The following PKIB variants were observed in gnomAD, a reference collection of about 807,000 sequenced individuals.
PKIB encodes cAMP-dependent protein kinase inhibitor beta.
Under a neutral mutation model 4.5 loss-of-function variants are expected in PKIB, and 2 were observed. The ratio of observed to expected loss-of-function variants is 0.44; its 90% CI spans 0.18 to 1.39. The LOEUF is 1.39. Ranked by LOEUF, PKIB falls within the 40% of genes most tolerant of loss-of-function variation. The pLI, the probability that PKIB is intolerant of heterozygous loss-of-function variation, is 0.27. For synonymous variants in PKIB, 38 were observed against 36.0 expected (o/e 1.06, Z -0.20); for missense variants, 94 against 92.6 (o/e 1.02, Z -0.06).
intron 3 of PKIB, chr6:122,701,324 C>T: frequency 1.3e-6 from 1 of 778,664 alleles, no homozygotes. Flanking sequence ...CTGCTCCAAG[C>T]AGCCAGTGAC....
Position 122,643,224 on chromosome 6 carries a change from C to A in PKIB, c.-76+9857C>A, listed in dbSNP as rs1582768876. The stretch of plus-strand genomic sequence containing the variant: ...GGAGTAGAAAGCTTTCTATTTCTTA[C>A]CCCATGCAATTGTTTGATTTTGAGA... On this transcript the variant is annotated intron_variant, in intron 2 of 4. Coordinates refer to ENST00000368452, the MANE Select transcript of PKIB (RefSeq NM_181795.3). Among the ~76,000 whole-genome samples, 3 of 152,244 alleles carry A rather than the reference C, an allele frequency of 2.0e-5. No homozygotes were observed. The East Asian group carries it at 5.8e-4, about 29-fold the overall frequency.
At chr6:122,710,228 C>A (rs1256658507) in intron 3 of PKIB, among the ~76,000 whole-genome samples, 1 of 152,128 alleles carries the variant, frequency 6.6e-6, no homozygotes, top group Non-Finnish European at 1.5e-5. Flanking sequence ...CTTCTTCCTA[C>A]TGATGTCATA....
chr6:122,472,887 C>T (rs183099679), intron 1 of PKIB, among the ~76,000 whole-genome samples: 79 of 152,190 alleles, frequency 5.2e-4, no homozygotes, highest in African/African-American at 1.7e-3. Flanking sequence ...CTGAGGCAGG[C>T]GGGTCACAAG....
intron 2 of PKIB, among the ~76,000 whole-genome samples, chr6:122,511,518 T>A (rs1776584920): frequency 6.6e-6 from 1 of 152,192 alleles, no homozygotes; most frequent in Non-Finnish European, 1.5e-5. Context: ...TTCACTGGAT[T>A]CTTTTGGGTC....
At chr6:122,694,908 T>C (rs960488876) in intron 3 of PKIB, among the ~76,000 whole-genome samples, 1 of 152,200 alleles carries the variant, frequency 6.6e-6, no homozygotes, top group African/African-American at 2.4e-5. Flanking sequence ...TTTGTCTTAC[T>C]GTATAGAAAT....
rs1460245737 is a variant in PKIB at position 122,488,853 on chromosome 6, T to G, written c.-248+10914T>G. ...AAACATTTGTATCTACTTCTGTATC[T>G]ATCTGTCTATCTCTGTCTATCTAAG... On this transcript the variant is annotated intron_variant, in intron 2 of 6. Coordinates refer to the PKIB transcript ENST00000392491. Among the ~76,000 whole-genome samples the G allele has an allele frequency of 2.0e-5, 3 of 152,208 alleles. No individual in the cohort carries two copies. In the East Asian group the frequency reaches 5.8e-4, roughly 29 times the overall value.
rs753083307 is a variant in PKIB, at chr6:122,637,833, A to AAG, written c.-76+4468_-76+4469dup. On this transcript the variant is annotated intron_variant, in intron 2 of 4. Coordinates refer to ENST00000368452, the MANE Select transcript of PKIB (RefSeq NM_181795.3). The stretch of plus-strand genomic sequence containing the variant: ...TAGTAAAGACCAGTGATAATATGGA[A>AAG]AGATGAATTGTTCCACCTAAAAAGA... Among the ~76,000 whole-genome samples the AAG allele has an allele frequency of 5.3e-5, 8 of 152,224 alleles. No homozygotes were observed. In the East Asian group the frequency reaches 9.7e-4, roughly 18 times the overall value.
chr6:122,611,590 G>T (rs557457609), intron 1 of PKIB, among the ~76,000 whole-genome samples: 1 of 152,148 alleles, frequency 6.6e-6, no homozygotes, highest in African/African-American at 2.4e-5. Context: ...GAAATATTGC[G>T]AGTATTGCAT....
intron 2 of PKIB, among the ~76,000 whole-genome samples, chr6:122,501,604 G>GC (rs1776238896): frequency 6.6e-6 from 1 of 152,200 alleles, no homozygotes; most frequent in Non-Finnish European, 1.5e-5. Context: ...TGCCTGGGAT[G>GC]CAGGGTGCCA....
At chr6:122,667,312 A>C (rs1777261735) in intron 2 of PKIB, among the ~76,000 whole-genome samples, 1 of 152,178 alleles carries the variant, frequency 6.6e-6, no homozygotes, top group Non-Finnish European at 1.5e-5. Context: ...TAATCCCAGC[A>C]CTTTGGGAGG....
At chr6:122,494,210 T>C (rs1400393588) in intron 2 of PKIB, among the ~76,000 whole-genome samples, 1 of 152,186 alleles carries the variant, frequency 6.6e-6, no homozygotes, top group African/African-American at 2.4e-5. Context: ...AGGAATGCTA[T>C]GGCATTAAAA....
intron 1 of PKIB, among the ~76,000 whole-genome samples, chr6:122,623,153 C>T (rs956505201): frequency 6.6e-6 from 1 of 152,120 alleles, no homozygotes; most frequent in Non-Finnish European, 1.5e-5. Context: ...AAGAATTTGC[C>T]ACTAATATTT....
At chr6:122,571,770 A>C (rs1316876466) in intron 2 of PKIB, among the ~76,000 whole-genome samples, 1 of 152,236 alleles carries the variant, frequency 6.6e-6, no homozygotes. Context: ...ATCTATATCA[A>C]AATGGAACCT....
intron 2 of PKIB, among the ~76,000 whole-genome samples, chr6:122,503,064 G>A (rs1776291908): frequency 1.3e-5 from 2 of 152,176 alleles, no homozygotes; most frequent in Non-Finnish European, 2.9e-5. Context: ...TCTTCATGTA[G>A]TGAAAGAGGG....
At chr6:122,514,879 C>T (rs549256938) in intron 2 of PKIB, among the ~76,000 whole-genome samples, 2 of 152,300 alleles carry the variant, frequency 1.3e-5, no homozygotes, top group East Asian at 3.9e-4. Flanking sequence ...GGAACTCCCT[C>T]ACTGGAGTGG....
intron 3 of PKIB, among the ~76,000 whole-genome samples, chr6:122,695,325 G>T (rs1778528982): frequency 6.6e-6 from 1 of 152,062 alleles, no homozygotes; most frequent in Non-Finnish European, 1.5e-5. Flanking sequence ...TTCTGTGAAA[G>T]AATTTTATGA....
intron 2 of PKIB, among the ~76,000 whole-genome samples, chr6:122,660,242 A>G (rs1776931617): frequency 6.6e-6 from 1 of 152,192 alleles, no homozygotes; most frequent in South Asian, 2.1e-4. Flanking sequence ...AAGAGTAAAG[A>G]AGCCCATGTT....
chr6:122,588,867 AG>A (rs1773931655), intron 3 of PKIB, among the ~76,000 whole-genome samples: 1 of 152,164 alleles, frequency 6.6e-6, no homozygotes, highest in Non-Finnish European at 1.5e-5. Flanking sequence ...AAACTTGGAG[AG>A]GCTGCACAAC....
Position 122,587,489 on chromosome 6 carries a change from G to A in PKIB, c.-161+1482G>A, listed in dbSNP as rs1335914407. On this transcript the variant is annotated intron_variant, in intron 3 of 6. Coordinates refer to the PKIB transcript ENST00000392491. ...GTGAATAGTGCTGCAATAAACATACGTGTGCATGTGTCTTTATAGCAGCAT... is the reference window on the plus strand; with the variant it reads ...GTGAATAGTGCTGCAATAAACATACATGTGCATGTGTCTTTATAGCAGCAT... Among the ~76,000 whole-genome samples the A allele has an allele frequency of 2.0e-5, 3 of 152,254 alleles. No homozygotes were observed. In the South Asian group the frequency reaches 6.2e-4, roughly 32 times the overall value.
Sources: allele counts gnomAD v4.1 joint callset (sites outside exome capture counted in the v4.1 genomes callset), GRCh38; gene constraint gnomAD v4.1.1; transcripts MANE v1.5; gene names NCBI Gene and HGNC (gene_info 2026-07-23, HGNC 2026-07-21).